NELL1: variants seen among roughly 807,000 people sequenced by gnomAD.
NELL1 encodes protein kinase C-binding protein NELL1.
In NELL1, 76 loss-of-function variants were observed where a neutral mutation model predicts 107.4. That is an observed-to-expected ratio of 0.71 (90% confidence interval 0.59 to 0.86). The LOEUF (loss-of-function observed/expected upper bound fraction) is 0.86, where lower values mean the gene tolerates loss of function less well. Ranked by LOEUF, NELL1 falls within the 40% of genes least tolerant of loss-of-function variation. The probability of loss-of-function intolerance (pLI) is 0.00; values close to 1 mark genes in which losing one functional copy is unlikely to be tolerated. For missense variants in NELL1, 1,024 were observed against 1,005.5 expected (o/e 1.02, Z -0.25); for synonymous variants, 353 against 341.2 (o/e 1.03, Z -0.38).
At chr11:20,824,787 A>C (rs1857842908) in intron 3 of NELL1, among the ~76,000 whole-genome samples, 2 of 151,444 alleles carry the variant, frequency 1.3e-5, no homozygotes, top group Admixed American at 6.6e-5. Context: ...AGAAATTTCT[A>C]AGCAGCAAAG....
chr11:21,076,789 G>A (rs949454683), intron 12 of NELL1, among the ~76,000 whole-genome samples: 2 of 152,056 alleles, frequency 1.3e-5, no homozygotes, highest in Non-Finnish European at 1.5e-5. Context: ...ATGAGAGCTG[G>A]TTGTTAGAAA....
intron 3 of NELL1, among the ~76,000 whole-genome samples, chr11:20,831,827 CAT>C (rs1490788996): frequency 6.6e-6 from 1 of 152,168 alleles, no homozygotes; most frequent in Non-Finnish European, 1.5e-5. Context: ...TAAGAATTCA[CAT>C]GTGATAGGAA....
intron 2 of NELL1, among the ~76,000 whole-genome samples, chr11:20,717,622 A>G (rs1855283667): frequency 6.6e-6 from 1 of 152,098 alleles, no homozygotes; most frequent in African/African-American, 2.4e-5. Context: ...GTTTTTCTGT[A>G]TCTGGCTCTT....
chr11:21,081,145 G>T (rs1443527034), intron 12 of NELL1, among the ~76,000 whole-genome samples: 1 of 151,826 alleles, frequency 6.6e-6, no homozygotes. Context: ...ACTTAATGTT[G>T]GCAGCTCCAG....
intron 13 of NELL1, among the ~76,000 whole-genome samples, chr11:21,135,155 T>C (rs1025310510): frequency 1.3e-5 from 2 of 152,226 alleles, no homozygotes; most frequent in African/African-American, 2.4e-5. Flanking sequence ...TACTGCTTTC[T>C]CTTAAACTCA....
At chr11:21,353,526 A>G (rs180929101) in intron 14 of NELL1, among the ~76,000 whole-genome samples, 1 of 152,150 alleles carries the variant, frequency 6.6e-6, no homozygotes, top group Admixed American at 6.5e-5. Flanking sequence ...TAAACCTTTC[A>G]AAAATAACAT....
At chr11:21,558,294 A>T (rs189729821) in intron 16 of NELL1, among the ~76,000 whole-genome samples, 1,725 of 150,252 alleles carry the variant, frequency 0.011, 34 homozygotes, top group African/African-American at 0.04. Flanking sequence ...GTTGCTTTTT[A>T]AAAAAAAATC....
chr11:21,549,045 A>G (rs1856512551), intron 16 of NELL1, among the ~76,000 whole-genome samples: 1 of 151,784 alleles, frequency 6.6e-6, no homozygotes, highest in Non-Finnish European at 1.5e-5. Flanking sequence ...AAATAGAAAT[A>G]TAAAACTTCA....
intron 15 of NELL1, among the ~76,000 whole-genome samples, chr11:21,516,207 T>G (rs1855557955): frequency 6.6e-6 from 1 of 152,208 alleles, no homozygotes; most frequent in Non-Finnish European, 1.5e-5. Context: ...TGTTCTAATC[T>G]ATAAAATGGA....
chr11:21,108,087 G>A (rs1401621132), intron 12 of NELL1, among the ~76,000 whole-genome samples: 2 of 152,124 alleles, frequency 1.3e-5, no homozygotes, highest in African/African-American at 2.4e-5. Context: ...GTTCTCAAGA[G>A]CTGTTGATCT....
intron 15 of NELL1, among the ~76,000 whole-genome samples, chr11:21,505,032 A>G (rs1396766654): frequency 6.6e-6 from 1 of 152,168 alleles, no homozygotes; most frequent in Non-Finnish European, 1.5e-5. Flanking sequence ...GAAGTGAAAT[A>G]TTTGTTTTAA....
chr11:21,362,833 TC>T lies in NELL1; in HGVS notation c.1550-8019del, dbSNP rs1590869866. Among the ~76,000 whole-genome samples, 19 of 152,160 alleles carry T rather than the reference TC, an allele frequency of 1.2e-4. No individual in the cohort carries two copies. In the East Asian group the frequency reaches 3.7e-3, roughly 29 times the overall value. On this transcript the variant is annotated intron_variant, in intron 14 of 19. Coordinates refer to ENST00000357134, the MANE Select transcript of NELL1 (RefSeq NM_006157.5). ...GGCTTACGCAAGTCTTGGCTCAGAC[TC>T]TCCTTGGGTGGGGCTTGCTGCAGCC...
intron 15 of NELL1, among the ~76,000 whole-genome samples, chr11:21,520,533 G>T (rs1272326003): frequency 6.6e-6 from 1 of 152,194 alleles, no homozygotes; most frequent in Non-Finnish European, 1.5e-5. Flanking sequence ...ATGATGATAA[G>T]AGTGGAGATA....
At chr11:21,355,680 C>T (rs2133727909) in intron 14 of NELL1, among the ~76,000 whole-genome samples, 1 of 152,306 alleles carries the variant, frequency 6.6e-6, no homozygotes, top group East Asian at 1.9e-4. Context: ...AAATACTCCT[C>T]ACTCCTAAGT....
chr11:21,355,637 A>G (rs149185093), intron 14 of NELL1, among the ~76,000 whole-genome samples: 90 of 152,340 alleles, frequency 5.9e-4, no homozygotes, highest in African/African-American at 2.1e-3. Context: ...TGTTTTGGAA[A>G]ATGTGTCCAT....
At chr11:21,266,299 C>G (rs1330665896) in intron 14 of NELL1, among the ~76,000 whole-genome samples, 1 of 151,790 alleles carries the variant, frequency 6.6e-6, no homozygotes, top group African/African-American at 2.4e-5. Flanking sequence ...TTGTGTGTTG[C>G]TTGTCTGTCC....
chr11:21,438,788 T>C (rs970940548), intron 15 of NELL1, among the ~76,000 whole-genome samples: 11 of 152,092 alleles, frequency 7.2e-5, no homozygotes, highest in South Asian at 2.1e-4. Flanking sequence ...TTTACAGTTC[T>C]GGGATTTCTG....
chr11:20,822,356 G>A (rs2134026076), intron 3 of NELL1, among the ~76,000 whole-genome samples: 1 of 152,348 alleles, frequency 6.6e-6, no homozygotes, highest in East Asian at 1.9e-4. Context: ...GAAGCCATTA[G>A]CAATCAGATG....
intron 13 of NELL1, among the ~76,000 whole-genome samples, chr11:21,172,505 TTTGCTGACTTTGAGAAAATAGCCA>T (rs1242640481): frequency 6.6e-6 from 1 of 151,792 alleles, no homozygotes; most frequent in Non-Finnish European, 1.5e-5. Context: ...TCTATTCCCC[TTTGCTGACTTTGAGAAAATAGCCA>T]TTATTCCAGG....
Sources: gnomAD v4.1 joint callset for allele counts (sites outside exome capture counted in the v4.1 genomes callset) on GRCh38, gnomAD v4.1.1 for gene constraint, MANE v1.5 for transcripts, NCBI Gene and HGNC (gene_info 2026-07-23, HGNC 2026-07-21) for gene names.